Variants in CDH7 observed in about 807,000 individuals in gnomAD.
CDH7 encodes cadherin-7.
In CDH7, 25 loss-of-function variants were observed where a neutral mutation model predicts 71.8. The ratio of observed to expected loss-of-function variants is 0.35; its 90% confidence interval spans 0.25 to 0.49. CDH7 has a LOEUF of 0.49. Ranked by LOEUF, CDH7 falls within the 20% of genes least tolerant of loss-of-function variation. The pLI is 0.99. For synonymous variants in CDH7, 381 were observed against 363.8 expected (o/e 1.05, Z -0.54); for missense variants, 862 against 974.6 (o/e 0.88, Z 1.54).
intron 3 of CDH7, among the ~76,000 whole-genome samples, chr18:65,810,779 T>A (rs1338305485): frequency 6.6e-6 from 1 of 152,102 alleles, no homozygotes; most frequent in African/African-American, 2.4e-5. Flanking sequence ...TTTTAAAAAA[T>A]TTCTCCAAAA....
chr18:65,757,694 A>G (rs1186777799), intron 1 of CDH7, among the ~76,000 whole-genome samples: 1 of 152,080 alleles, frequency 6.6e-6, no homozygotes, highest in Non-Finnish European at 1.5e-5. Flanking sequence ...CCTCAGATAT[A>G]ACCTGTTCTT....
In CDH7 at chr18:65,831,362, G is replaced by A. The variant is rs56033608; in HGVS notation, c.981+6531G>A. On this transcript the variant is annotated intron_variant, in intron 6 of 11. Coordinates refer to ENST00000397968, the MANE Select transcript of CDH7 (RefSeq NM_004361.5). ...CTTCCATCTTAAAAGAACGCGATCT[G>A]CTGGCCCAACAAAGGCAGGCTTTAC... Among the ~76,000 whole-genome samples, 1,042 of 152,180 alleles carry A rather than the reference G, an allele frequency of 6.8e-3. 9 individuals are homozygous for A. Among genetic ancestry groups the A allele is most frequent in the African/African-American group, 0.024 (990 of 41,532 alleles).
At chr18:65,837,059 G>T (rs577441550) in intron 6 of CDH7, among the ~76,000 whole-genome samples, 2 of 152,260 alleles carry the variant, frequency 1.3e-5, no homozygotes, top group Admixed American at 6.5e-5. Context: ...CACCTAGGTA[G>T]AACATAGTAT....
In CDH7 at chr18:65,787,076, G is replaced by A. The variant is rs552847179; in HGVS notation, c.211-22628G>A. On this transcript the variant is annotated intron_variant, in intron 2 of 11. Coordinates refer to ENST00000397968, the MANE Select transcript of CDH7 (RefSeq NM_004361.5). ...ATATTTATATGTTTTCACCAAAACAGATTCAAGATCATTATCATTAGCAGC... is the reference window on the plus strand; with the variant it reads ...ATATTTATATGTTTTCACCAAAACAAATTCAAGATCATTATCATTAGCAGC... Among the ~76,000 whole-genome samples the A allele has an allele frequency of 3.1e-4, 47 of 152,060 alleles. 1 individual carries two copies. The highest frequency in any genetic ancestry group is 1.1e-3 in the African/African-American group (46 of 41,464).
intron 2 of CDH7, among the ~76,000 whole-genome samples, chr18:65,783,536 A>G (rs925475804): frequency 1.3e-5 from 2 of 152,182 alleles, no homozygotes; most frequent in African/African-American, 4.8e-5. Flanking sequence ...TAGATTATGA[A>G]TACCACATTA....
chr18:65,758,661 T>G (rs920042222), intron 1 of CDH7, among the ~76,000 whole-genome samples: 1 of 152,208 alleles, frequency 6.6e-6, no homozygotes, highest in African/African-American at 2.4e-5. Flanking sequence ...TAAAGACAAT[T>G]TAGCTCAAGA....
chr18:65,876,390 T>A (rs1240441252), intron 11 of CDH7, among the ~76,000 whole-genome samples: 1 of 152,162 alleles, frequency 6.6e-6, no homozygotes, highest in Non-Finnish European at 1.5e-5. Flanking sequence ...GATTTTTATT[T>A]ATTTTTTTGA....
At chr18:65,778,781 G>C (rs1910063548) in intron 2 of CDH7, among the ~76,000 whole-genome samples, 1 of 150,928 alleles carries the variant, frequency 6.6e-6, no homozygotes, top group Non-Finnish European at 1.5e-5. Flanking sequence ...ATAATTGAAT[G>C]GTTTTCTGAA....
chr18:65,834,293 T>C (rs1912457429), intron 6 of CDH7, among the ~76,000 whole-genome samples: 1 of 152,174 alleles, frequency 6.6e-6, no homozygotes, highest in South Asian at 2.1e-4. Flanking sequence ...AATAGCAAGG[T>C]AAATATGTCT....
Position 65,880,535 on chromosome 18 carries a change from G to GAA in CDH7, c.2000_2001insAA (p.Asp667GlufsTer6). 6.2e-7 allele frequency: 1 copy of GAA among 1,613,792 alleles called. No individual in the cohort carries two copies. Among genetic ancestry groups the GAA allele is most frequent in the Non-Finnish European group, 8.5e-7 (1 of 1,179,950 alleles). ...GGGAGAGGAGGACACGGAAGCGTTTGACATGGCTGCACTGAGAAACCTCAA... is the reference window on the plus strand; with the variant it reads ...GGGAGAGGAGGACACGGAAGCGTTTGAAACATGGCTGCACTGAGAAACCTCAA... On this transcript the variant is annotated frameshift_variant, in exon 12 of 12. Coordinates refer to ENST00000397968, the MANE Select transcript of CDH7 (RefSeq NM_004361.5). LOFTEE classifies it high-confidence loss of function.
At chr18:65,781,252 A>G (rs1424634226) in intron 2 of CDH7, among the ~76,000 whole-genome samples, 1 of 152,102 alleles carries the variant, frequency 6.6e-6, no homozygotes, top group Non-Finnish European at 1.5e-5. Flanking sequence ...GCCCTTTTAC[A>G]TAGATTAGCC....
At chr18:65,760,477 A>G (rs760232833) in intron 1 of CDH7, among the ~76,000 whole-genome samples, 2 of 152,188 alleles carry the variant, frequency 1.3e-5, no homozygotes, top group African/African-American at 2.4e-5. Context: ...AAACAATGTT[A>G]CCACATCCCC....
intron 3 of CDH7, among the ~76,000 whole-genome samples, chr18:65,811,355 G>T (rs982678524): frequency 6.6e-6 from 1 of 152,064 alleles, no homozygotes; most frequent in African/African-American, 2.4e-5. Context: ...AATTATTTGG[G>T]TTACCACCAT....
rs1914189860 is a variant in CDH7 at position 65,880,476 on chromosome 18, G to C, written c.1940G>C (p.Arg647Thr). Residue 647 changes from arginine to threonine, a missense_variant, in exon 12 of 12, where the codon AGA becomes ACA. Arg to Thr is a moderately conservative substitution (Grantham distance 71, BLOSUM62 -1). Transcript: ENST00000397968. ...ATTTTTGACGAAGAAAGAGACATCA[G>C]AGAAAATATTGTGAGATACGATGAC... ...PLIFDEERDI[R>T]ENIVRYDDEG... is the part of the protein sequence containing the mutation. 6.3e-7 allele frequency: 1 copy of C among 1,596,894 alleles called. No individual in the cohort carries two copies. The highest frequency in any genetic ancestry group is 2.2e-5 in the East Asian group (1 of 44,772).
At chr18:65,772,912 C>A (rs982009775) in intron 2 of CDH7, among the ~76,000 whole-genome samples, 9 of 152,132 alleles carry the variant, frequency 5.9e-5, no homozygotes, top group African/African-American at 2.2e-4. Context: ...ATATTTGTGA[C>A]CAAAACAATA....
chr18:65,819,854 T>C (rs1369810059), intron 4 of CDH7, among the ~76,000 whole-genome samples: 2 of 151,228 alleles, frequency 1.3e-5, no homozygotes, highest in Non-Finnish European at 2.9e-5. Flanking sequence ...CCCCTGGTTA[T>C]TAATCCTTGG....
intron 2 of CDH7, among the ~76,000 whole-genome samples, chr18:65,796,679 G>A (rs1910928305): frequency 6.6e-6 from 1 of 152,108 alleles, no homozygotes; most frequent in South Asian, 2.1e-4. Flanking sequence ...TCCAACATCA[G>A]AGCGACACAA....
intron 10 of CDH7, among the ~76,000 whole-genome samples, chr18:65,862,104 CAT>C (rs1163455921): frequency 7.9e-5 from 12 of 152,116 alleles, no homozygotes; most frequent in African/African-American, 2.6e-4. Context: ...TGTTTATACA[CAT>C]AGAGTAGCTA....
Position 65,884,784 on chromosome 18 carries a change from A to G in CDH7, c.*3890A>G, listed in dbSNP as rs1287192109. On this transcript the variant is annotated 3_prime_UTR_variant, in exon 12 of 12. Coordinates refer to ENST00000397968, the MANE Select transcript of CDH7 (RefSeq NM_004361.5). ...AAGTTTTAAAGCACTAGCTGTAAAT[A>G]TTAATCTTCAGATTTTCAATTTAAC... is the stretch of plus-strand genomic sequence containing the variant. The G allele has an allele frequency of 6.6e-6, 1 of 152,220 alleles. No individual in the cohort carries two copies. The highest frequency in any genetic ancestry group is 1.5e-5 in the Non-Finnish European group (1 of 68,030). The allele number at this position is 152,220 out of a possible 1,614,324, so 9.4% of individuals were successfully genotyped here. A position where few individuals can be genotyped will look rare whatever the true frequency, so the allele number is the denominator to read the frequency against.
Sources: gnomAD v4.1 joint callset for allele counts (sites outside exome capture counted in the v4.1 genomes callset) on GRCh38, gnomAD v4.1.1 for gene constraint, MANE v1.5 for transcripts, NCBI Gene and HGNC (gene_info 2026-07-23, HGNC 2026-07-21) for gene names.